TMEM132D: variants seen among roughly 807,000 people sequenced by gnomAD.
The protein encoded by TMEM132D is transmembrane protein 132D.
Under a neutral mutation model 62.3 loss-of-function variants are expected in TMEM132D, and 21 were observed. The observed-to-expected ratio is 0.34, with a 90% CI of 0.24 to 0.49. The LOEUF (loss-of-function observed/expected upper bound fraction) is 0.49. Ranked by LOEUF, TMEM132D falls within the 20% of genes least tolerant of loss-of-function variation. The probability of loss-of-function intolerance (pLI) is 0.99; values close to 1 mark genes in which losing one functional copy is unlikely to be tolerated. For synonymous variants in TMEM132D, 621 were observed against 575.6 expected, an observed-to-expected ratio of 1.08 and a Z score of -1.13; for missense variants, 1,346 against 1,402.8, an observed-to-expected ratio of 0.96 and a Z score of 0.65.
chr12:129,311,197 C>CAAAAAAAAAAAAAAAAAAAAAAAAAAAA (rs60836498), intron 4 of TMEM132D, among the ~76,000 whole-genome samples: 1 of 29,670 alleles, frequency 3.4e-5, no homozygotes, highest in African/African-American at 1.9e-4. Context: ...GACTCCGTCT[C>CAAAAAAAAAAAAAAAAAAAAAAAAAAAA]AAAAAAAAAA....
At chr12:129,678,770 A>G (rs1230870999) in intron 2 of TMEM132D, among the ~76,000 whole-genome samples, 1 of 152,076 alleles carries the variant, frequency 6.6e-6, no homozygotes, top group South Asian at 2.1e-4. Context: ...TTTCCTTTTA[A>G]TGCCCAATTG....
intron 5 of TMEM132D, among the ~76,000 whole-genome samples, chr12:129,092,605 G>C (rs1042602560): frequency 2.6e-5 from 4 of 152,302 alleles, no homozygotes; most frequent in African/African-American, 9.6e-5. Context: ...TGAGGAAGGA[G>C]AATCGCTTGA....
chr12:129,546,532 T>C (rs970209746), intron 2 of TMEM132D, among the ~76,000 whole-genome samples: 102 of 152,222 alleles, frequency 6.7e-4, no homozygotes, highest in African/African-American at 2.3e-3. Context: ...AGAGGATCCA[T>C]TGCAAGGCTA....
intron 4 of TMEM132D, among the ~76,000 whole-genome samples, chr12:129,218,523 C>T (rs1312539231): frequency 3.3e-5 from 5 of 152,190 alleles, no homozygotes; most frequent in Middle Eastern, 3.4e-3. Context: ...TGTATCTCAA[C>T]ATAGAAAACT....
chr12:129,540,896 G>A (rs1030549668), intron 2 of TMEM132D, among the ~76,000 whole-genome samples: 3 of 152,226 alleles, frequency 2.0e-5, no homozygotes, highest in Admixed American at 6.5e-5. Context: ...GCCTGCCAAA[G>A]TGCTGGGATT....
chr12:129,406,933 C>T (rs957477251), intron 3 of TMEM132D, among the ~76,000 whole-genome samples: 1 of 152,200 alleles, frequency 6.6e-6, no homozygotes, highest in Admixed American at 6.5e-5. Flanking sequence ...TGCCTGCTTC[C>T]AATCCACCGT....
At chr12:129,557,818 C>T (rs529696040) in intron 2 of TMEM132D, among the ~76,000 whole-genome samples, 9 of 152,230 alleles carry the variant, frequency 5.9e-5, no homozygotes, top group African/African-American at 1.7e-4. Context: ...ATACAACATA[C>T]GCATATATCA....
intron 5 of TMEM132D, among the ~76,000 whole-genome samples, chr12:129,166,712 CAT>C (rs71970210): frequency 1.4e-4 from 15 of 105,022 alleles, no homozygotes; most frequent in African/African-American, 3.5e-4. Flanking sequence ...CACACACACA[CAT>C]ATACACACAC....
intron 4 of TMEM132D, among the ~76,000 whole-genome samples, chr12:129,266,815 C>T (rs781010945): frequency 6.6e-6 from 1 of 152,128 alleles, no homozygotes; most frequent in Non-Finnish European, 1.5e-5. Context: ...TCCCTCTACT[C>T]CCTCTGTCTC....
At chr12:129,112,994 T>G (rs1461238821) in intron 5 of TMEM132D, 1 of 152,250 alleles carries the variant, frequency 6.6e-6, no homozygotes, top group African/African-American at 2.4e-5. Flanking sequence ...GGGCAGATGC[T>G]GTAATGATGT....
chr12:129,332,629 C>CT (rs1869145895), intron 4 of TMEM132D, among the ~76,000 whole-genome samples: 2 of 152,084 alleles, frequency 1.3e-5, no homozygotes, highest in South Asian at 4.1e-4. Flanking sequence ...GATTTTATGC[C>CT]TTTTTTGTCT....
Position 129,149,700 on chromosome 12 carries a change from C to A in TMEM132D, c.1443+59820G>T, listed in dbSNP as rs141533905. 8.9e-3 allele frequency among the ~76,000 whole-genome samples: 1,348 copies of A among 152,260 alleles called. 18 individuals carry two copies. Among genetic ancestry groups the A allele is most frequent in the African/African-American group, 0.031 (1,275 of 41,552 alleles). On this transcript the variant is annotated intron_variant, in intron 5 of 8. Coordinates refer to ENST00000422113, the MANE Select transcript of TMEM132D (RefSeq NM_133448.3). Reference sequence around the variant, plus strand: ...CTGGGCAATAACGGTAGGGCTCCAGCCCCGCTTTTCAATCCTGCCTCACTC... The same window carrying A: ...CTGGGCAATAACGGTAGGGCTCCAGACCCGCTTTTCAATCCTGCCTCACTC...
At position 129,566,500 on chromosome 12, in the gene TMEM132D, C is replaced by T. The variant is rs56704558; in HGVS notation, c.969-35295G>A. Reference sequence around the variant, plus strand: ...TTGGATTTCAGGCAGAAATGACCAGCATTAATATTAAAATAGAGACTGTAA... The same window carrying T: ...TTGGATTTCAGGCAGAAATGACCAGTATTAATATTAAAATAGAGACTGTAA... On this transcript the variant is annotated intron_variant, in intron 2 of 8. Transcript: ENST00000422113. Among the ~76,000 whole-genome samples, 1,204 of 152,254 alleles carry T rather than the reference C, an allele frequency of 7.9e-3. 18 individuals are homozygous for T. The highest frequency in any genetic ancestry group is 0.028 in the African/African-American group (1,147 of 41,538).
chr12:129,747,780 TCA>T (rs1216385011), intron 1 of TMEM132D, among the ~76,000 whole-genome samples: 3 of 145,942 alleles, frequency 2.1e-5, no homozygotes, highest in East Asian at 2.0e-4. Flanking sequence ...CTCAACACAT[TCA>T]CACACTCGAC....
chr12:129,369,390 A>G (rs1341473470), intron 3 of TMEM132D, among the ~76,000 whole-genome samples: 1 of 151,804 alleles, frequency 6.6e-6, no homozygotes, highest in Non-Finnish European at 1.5e-5. Context: ...AAATTAATTC[A>G]GATATCAGTC....
intron 1 of TMEM132D, among the ~76,000 whole-genome samples, chr12:129,742,845 T>C (rs1475103503): frequency 2.0e-5 from 3 of 152,230 alleles, no homozygotes; most frequent in African/African-American, 7.2e-5. Flanking sequence ...GTCCAGGTCT[T>C]TGAAGCACTG....
At chr12:129,364,317 T>C (rs1197887407) in intron 3 of TMEM132D, among the ~76,000 whole-genome samples, 2 of 152,224 alleles carry the variant, frequency 1.3e-5, no homozygotes, top group Non-Finnish European at 2.9e-5. Flanking sequence ...GTGCAGATGG[T>C]ACACTGAACA....
rs563342240 is a variant in TMEM132D at position 129,465,372 on chromosome 12, T to C, written c.1115+65687A>G. Among the ~76,000 whole-genome samples the C allele has an allele frequency of 1.2e-3, 181 of 152,264 alleles. 1 individual carries two copies. The highest frequency in any genetic ancestry group is 4.1e-3 in the African/African-American group (171 of 41,556). ...ATGGACAAAAACTGGAAGCATTCCC[T>C]TTGAAAACTGGCACAAGACAGGGAT... On this transcript the variant is annotated intron_variant, in intron 3 of 8. Coordinates refer to ENST00000422113, the MANE Select transcript of TMEM132D (RefSeq NM_133448.3).
chr12:129,771,209 T>G (rs1870742495), intron 1 of TMEM132D, among the ~76,000 whole-genome samples: 1 of 152,236 alleles, frequency 6.6e-6, no homozygotes, highest in African/African-American at 2.4e-5. Context: ...TTCTTGCCTT[T>G]GCACGTGTCA....
Sources: gnomAD v4.1 joint callset for allele counts (sites outside exome capture counted in the v4.1 genomes callset) on GRCh38, gnomAD v4.1.1 for gene constraint, MANE v1.5 for transcripts, NCBI Gene and HGNC (gene_info 2026-07-23, HGNC 2026-07-21) for gene names.